Variants in PDE1A observed in about 807,000 individuals in gnomAD.
PDE1A encodes the protein dual specificity calcium/calmodulin-dependent 3',5'-cyclic nucleotide phosphodiesterase 1A.
PDE1A carries 35 observed loss-of-function variants against 61.7 expected under a neutral mutation model. The ratio of observed to expected loss-of-function variants is 0.57; its 90% CI spans 0.43 to 0.75. PDE1A has a LOEUF of 0.75. Ranked by LOEUF, PDE1A falls within the 30% of genes least tolerant of loss-of-function variation. The pLI is 0.00. For missense variants in PDE1A, 597 were observed against 630.6 expected (o/e 0.95, Z 0.57); for synonymous variants, 232 against 213.2 (o/e 1.09, Z -0.77).
rs535447789 is a variant in PDE1A at position 182,214,584 on chromosome 2, T to G, written c.777-8519A>C. Among the ~76,000 whole-genome samples the G allele has an allele frequency of 2.9e-4, 44 of 150,818 alleles. 1 individual carries two copies. Among genetic ancestry groups the G allele is most frequent in the Admixed American group, 2.0e-3 (30 of 15,188 alleles). ...GATGGAGGAAGATCTACCAAGCCAA[T>G]GGAAAACAAAAAAAGGCAGGGGTTG... is the stretch of plus-strand genomic sequence containing the variant. On this transcript the variant is annotated intron_variant, in intron 7 of 13. Coordinates refer to ENST00000351439, the Ensembl canonical transcript of PDE1A.
intron 13 of PDE1A, among the ~76,000 whole-genome samples, chr2:182,181,337 CAGTT>C (rs964020843): frequency 2.4e-4 from 37 of 152,170 alleles, no homozygotes; most frequent in African/African-American, 8.0e-4. Context: ...TTTCTTCTAA[CAGTT>C]AGACCCATCT....
chr2:182,470,318 T>C (rs2125803033), intron 2 of PDE1A, among the ~76,000 whole-genome samples: 1 of 151,966 alleles, frequency 6.6e-6, no homozygotes, highest in South Asian at 2.1e-4. Context: ...TTAACCTGAT[T>C]AAGTGCAGCT....
intron 2 of PDE1A, among the ~76,000 whole-genome samples, chr2:182,460,785 T>G (rs1375060994): frequency 1.3e-5 from 2 of 152,176 alleles, no homozygotes; most frequent in African/African-American, 4.8e-5. Context: ...AATATCAGGT[T>G]TTCAATGAGA....
the PDE1A span, among the ~76,000 whole-genome samples, chr2:182,574,498 G>A: frequency 6.6e-6 from 1 of 152,036 alleles, no homozygotes; most frequent in African/African-American, 2.4e-5. Context: ...TGTACAACCA[G>A]AAACGCACCA....
intron 1 of PDE1A, among the ~76,000 whole-genome samples, chr2:182,389,497 T>G (rs1701299686): frequency 6.6e-6 from 1 of 152,102 alleles, no homozygotes; most frequent in South Asian, 2.1e-4. Context: ...AAAAAAATAC[T>G]TAATATCAGT....
At chr2:182,697,504 G>A in the PDE1A span, among the ~76,000 whole-genome samples, 1 of 152,172 alleles carries the variant, frequency 6.6e-6, no homozygotes, top group Non-Finnish European at 1.5e-5. Context: ...GAGGAGAAGT[G>A]CCTGACCTGA....
chr2:182,638,805 G>A, the PDE1A span, among the ~76,000 whole-genome samples: 2 of 152,198 alleles, frequency 1.3e-5, no homozygotes, highest in Non-Finnish European at 2.9e-5. Context: ...GGCTCGCACT[G>A]AGATGATAAA....
chr2:182,560,816 G>T, the PDE1A span, among the ~76,000 whole-genome samples: 7 of 152,284 alleles, frequency 4.6e-5, no homozygotes, highest in African/African-American at 1.4e-4. Context: ...GATGGCCAGT[G>T]ATGGTGAGCA....
intron 1 of PDE1A, among the ~76,000 whole-genome samples, chr2:182,287,857 T>C (rs1161024419): frequency 6.6e-6 from 1 of 152,160 alleles, no homozygotes; most frequent in African/African-American, 2.4e-5. Flanking sequence ...CTGTGTTTTT[T>C]GTTTGAAGGA....
chr2:182,152,631 G>A (rs1408493869), intron 13 of PDE1A, among the ~76,000 whole-genome samples: 1 of 151,896 alleles, frequency 6.6e-6, no homozygotes, highest in Non-Finnish European at 1.5e-5. Flanking sequence ...ATGTTGGCCA[G>A]GCTGGTCTTG....
chr2:182,638,494 C>T, the PDE1A span, among the ~76,000 whole-genome samples: 2 of 152,126 alleles, frequency 1.3e-5, no homozygotes, highest in Admixed American at 1.3e-4. Flanking sequence ...TGAGATTGCG[C>T]CCCTGCACTC....
intron 2 of PDE1A, among the ~76,000 whole-genome samples, chr2:182,467,030 A>G (rs1350389898): frequency 6.6e-6 from 1 of 151,890 alleles, no homozygotes; most frequent in African/African-American, 2.4e-5. Context: ...TAGAGATTAA[A>G]GTGTATGCAT....
intron 1 of PDE1A, among the ~76,000 whole-genome samples, chr2:182,332,056 C>CT (rs990629077): frequency 3.3e-5 from 5 of 152,006 alleles, no homozygotes; most frequent in African/African-American, 1.2e-4. Context: ...TCTTTTCATT[C>CT]TTTTTTTCTC....
At chr2:182,420,867 T>G (rs1703233407) in intron 1 of PDE1A, among the ~76,000 whole-genome samples, 1 of 152,296 alleles carries the variant, frequency 6.6e-6, no homozygotes, top group Non-Finnish European at 1.5e-5. Context: ...ACTCAGGAAA[T>G]GTTGAATTTT....
At chr2:182,435,667 AGTGG>A (rs1684351587) in intron 2 of PDE1A, among the ~76,000 whole-genome samples, 2 of 152,086 alleles carry the variant, frequency 1.3e-5, no homozygotes, top group Non-Finnish European at 2.9e-5. Flanking sequence ...TTCTTCAGTC[AGTGG>A]AAAGCTGTTC....
chr2:182,157,003 T>A (rs1249632567), intron 13 of PDE1A, among the ~76,000 whole-genome samples: 1 of 141,116 alleles, frequency 7.1e-6, no homozygotes, highest in Non-Finnish European at 1.5e-5. Flanking sequence ...ATTATTATTT[T>A]ATTTTATTTT....
chr2:182,597,106 C>A, the PDE1A span, among the ~76,000 whole-genome samples: 1 of 152,030 alleles, frequency 6.6e-6, no homozygotes, highest in Non-Finnish European at 1.5e-5. Context: ...GAGCCATGAT[C>A]ATGCCACTGC....
chr2:182,419,083 AC>A (rs1417686739), intron 1 of PDE1A, among the ~76,000 whole-genome samples: 12 of 151,696 alleles, frequency 7.9e-5, no homozygotes, highest in South Asian at 4.2e-4. Flanking sequence ...AAAAAAAAAA[AC>A]ATTGTACTGA....
At chr2:182,291,596 C>T (rs1694540363) in intron 1 of PDE1A, among the ~76,000 whole-genome samples, 2 of 152,120 alleles carry the variant, frequency 1.3e-5, no homozygotes, top group Admixed American at 6.6e-5. Context: ...TACCAATTCC[C>T]TCTGGGAACA....
Sources: allele counts gnomAD v4.1 joint callset (sites outside exome capture counted in the v4.1 genomes callset), GRCh38; gene constraint gnomAD v4.1.1; transcripts MANE v1.5; gene names NCBI Gene and HGNC (gene_info 2026-07-23, HGNC 2026-07-21).